SMURF1: variants seen among roughly 807,000 people sequenced by gnomAD.
SMURF1 encodes the protein E3 ubiquitin-protein ligase SMURF1.
In SMURF1, 44 loss-of-function variants were observed where a neutral mutation model predicts 98.0. That is an observed-to-expected ratio of 0.45 (90% CI 0.35 to 0.58). The LOEUF (loss-of-function observed/expected upper bound fraction) is 0.58, where lower values mean the gene tolerates loss of function less well. SMURF1 is among the 20% of genes least tolerant of loss of function. SMURF1 has a pLI of 0.00. For missense variants in SMURF1, 687 were observed against 938.4 expected (o/e 0.73, Z 3.50); for synonymous variants, 396 against 374.9 (o/e 1.06, Z -0.65).
At chr7:99,096,334 C>A (rs970459212) in intron 1 of SMURF1, among the ~76,000 whole-genome samples, 1 of 152,180 alleles carries the variant, frequency 6.6e-6, no homozygotes, top group Non-Finnish European at 1.5e-5. Context: ...TAGGTCAATG[C>A]CTGCTAAACA....
chr7:99,046,798 C>T (rs879494813), intron 10 of SMURF1, among the ~76,000 whole-genome samples: 7 of 149,222 alleles, frequency 4.7e-5, no homozygotes, highest in Non-Finnish European at 8.9e-5. Context: ...AAAGAGGAAA[C>T]GAGCTGGTAG....
Position 99,097,709 on chromosome 7 carries a change from A to G in SMURF1, c.56-35872T>C, listed in dbSNP as rs571582281. On this transcript the variant is annotated intron_variant, in intron 1 of 17. Transcript: ENST00000361368. ...ATAGCAACACAAAACAAAGACAGTA[A>G]TGAATGGCTTCGAAGACAGTAATGC... is the stretch of plus-strand genomic sequence containing the variant. Among the ~76,000 whole-genome samples, 15 of 152,384 alleles carry G rather than the reference A, an allele frequency of 9.8e-5. No individual in the cohort carries two copies. In the East Asian group the frequency reaches 2.7e-3, roughly 27 times the overall value.
chr7:99,057,591 GTTTTTTTTGTTTTGT>G, intron 3 of SMURF1, 40 bp from the exon 4 acceptor site: 4 of 1,323,448 alleles, frequency 3.0e-6, no homozygotes, highest in Non-Finnish European at 2.9e-6. Flanking sequence ...ATTGTGTTTG[GTTTTTTTTGTTTTGT>G]TTTTTTTTTT....
chr7:99,029,879 G>T lies in SMURF1; in HGVS notation c.*705C>A, dbSNP rs930104241. The T allele has an allele frequency of 2.0e-5, 3 of 152,096 alleles. No individual in the cohort carries two copies. The highest frequency in any genetic ancestry group is 4.4e-5 in the Non-Finnish European group (3 of 68,022). The allele number at this position is 152,096 out of a possible 1,614,324, so 9.4% of individuals were successfully genotyped here. On this transcript the variant is annotated 3_prime_UTR_variant, in exon 18 of 18. Coordinates refer to ENST00000361368, the MANE Select transcript of SMURF1 (RefSeq NM_181349.3). Reference sequence around the variant, plus strand: ...CAGCAAAAGGGACCCTTAAAAGATCGTTTTTCTCTATGTAAAACAAAATTT... The same window carrying T: ...CAGCAAAAGGGACCCTTAAAAGATCTTTTTTCTCTATGTAAAACAAAATTT...
intron 1 of SMURF1, among the ~76,000 whole-genome samples, chr7:99,129,267 T>C (rs1797810045): frequency 6.6e-6 from 1 of 152,252 alleles, no homozygotes; most frequent in Non-Finnish European, 1.5e-5. Context: ...TTAGATTCAT[T>C]GAAATAAGAC....
At chr7:99,063,275 A>ATATATATATATATAAGATT (rs1796102236) in intron 1 of SMURF1, among the ~76,000 whole-genome samples, 1 of 20,690 alleles carries the variant, frequency 4.8e-5, no homozygotes, top group South Asian at 1.5e-3. Flanking sequence ...ATATATATAT[A>ATATATATATATATAAGATT]TATATATATA....
intron 1 of SMURF1, among the ~76,000 whole-genome samples, chr7:99,132,009 G>A (rs1334366642): frequency 4.6e-5 from 7 of 152,158 alleles, no homozygotes; most frequent in Admixed American, 6.5e-5. Flanking sequence ...CAGCCCTGAG[G>A]GAGAGGCTAA....
At chr7:99,102,226 TATG>T (rs1427316258) in intron 1 of SMURF1, among the ~76,000 whole-genome samples, 1 of 152,214 alleles carries the variant, frequency 6.6e-6, no homozygotes, top group Non-Finnish European at 1.5e-5. Flanking sequence ...TCCCTAATAT[TATG>T]ATGAAATTAT....
chr7:99,114,713 C>G (rs1371302486), intron 1 of SMURF1, among the ~76,000 whole-genome samples: 1 of 152,116 alleles, frequency 6.6e-6, no homozygotes. Context: ...GTATTCTTCT[C>G]AAGCACATGT....
intron 1 of SMURF1, among the ~76,000 whole-genome samples, chr7:99,107,350 C>T (rs567382995): frequency 2.0e-5 from 3 of 152,294 alleles, no homozygotes; most frequent in East Asian, 3.9e-4. Context: ...GCTTATTTCA[C>T]ATTGCCTGCC....
In SMURF1 at chr7:99,039,220, AT is replaced by A. The variant is rs1354017340; in HGVS notation, c.1551-696del. Among the ~76,000 whole-genome samples the A allele has an allele frequency of 3.1e-3, 434 of 140,586 alleles. 7 individuals carry two copies. The highest frequency in any genetic ancestry group is 0.01 in the African/African-American group (367 of 35,810). The allele number at this position is 140,586 out of a possible 152,430, so 92.2% of individuals were successfully genotyped here. On this transcript the variant is annotated intron_variant, in intron 13 of 17. Coordinates refer to ENST00000361368, the MANE Select transcript of SMURF1 (RefSeq NM_181349.3). ...AAAAAAAAAAAAAAAAAAAAAAAAAATACTGTTCCTCCCTTAGAGGCAGCCT... is the reference window on the plus strand; with the variant it reads ...AAAAAAAAAAAAAAAAAAAAAAAAAAACTGTTCCTCCCTTAGAGGCAGCCT...
chr7:99,112,390 A>G (rs1797345011), intron 1 of SMURF1, among the ~76,000 whole-genome samples: 2 of 152,174 alleles, frequency 1.3e-5, no homozygotes, highest in Admixed American at 1.3e-4. Context: ...TCATCAGCTG[A>G]CCACTAAGCT....
intron 8 of SMURF1, chr7:99,051,032 T>A: frequency 1.4e-6 from 2 of 1,457,038 alleles, no homozygotes; most frequent in Non-Finnish European, 1.9e-6. Context: ...AGAGAAAGGG[T>A]AACAGAGTCT....
intron 13 of SMURF1, among the ~76,000 whole-genome samples, chr7:99,039,329 A>G (rs976049199): frequency 1.3e-5 from 2 of 151,684 alleles, no homozygotes; most frequent in Non-Finnish European, 2.9e-5. Flanking sequence ...GAGCCTAGGC[A>G]GAGTGGAAGA....
chr7:99,139,607 G>C (rs1012731545), intron 1 of SMURF1, among the ~76,000 whole-genome samples: 11 of 152,122 alleles, frequency 7.2e-5, no homozygotes, highest in Non-Finnish European at 1.5e-5. Flanking sequence ...TGCAAATCCT[G>C]CTTGATTTTT....
At chr7:99,056,977 CA>C (rs11452990) in intron 5 of SMURF1, among the ~76,000 whole-genome samples, 29 of 99,354 alleles carry the variant, frequency 2.9e-4, no homozygotes, top group East Asian at 1.1e-3. Context: ...CACTCCATCT[CA>C]AAAAAAAAAA....
intron 1 of SMURF1, among the ~76,000 whole-genome samples, chr7:99,113,457 G>A (rs1303643613): frequency 6.6e-6 from 1 of 152,054 alleles, no homozygotes; most frequent in Admixed American, 6.5e-5. Context: ...GAGAAATGAA[G>A]ACATTACAAA....
chr7:99,099,131 C>G (rs942364559), intron 1 of SMURF1, among the ~76,000 whole-genome samples: 1 of 151,528 alleles, frequency 6.6e-6, no homozygotes, highest in African/African-American at 2.4e-5. Context: ...GACTAGAGCC[C>G]GATGAGAAAA....
intron 17 of SMURF1, 38 bp downstream of exon 17, chr7:99,032,999 C>T (rs766251038): frequency 9.4e-6 from 15 of 1,589,254 alleles, no homozygotes; most frequent in East Asian, 2.2e-5. Flanking sequence ...TCCTCTGGGG[C>T]TCCCAGGACG....
Sources: gnomAD v4.1 joint callset for allele counts (sites outside exome capture counted in the v4.1 genomes callset) on GRCh38, gnomAD v4.1.1 for gene constraint, MANE v1.5 for transcripts, NCBI Gene and HGNC (gene_info 2026-07-23, HGNC 2026-07-21) for gene names.